RRP1B: variants seen among roughly 807,000 people sequenced by gnomAD.
RRP1B encodes ribosomal RNA processing 1B, also known as ribosomal RNA processing protein 1 homolog B.
In RRP1B, 56 loss-of-function variants were observed where a neutral mutation model predicts 80.2. That is an observed-to-expected ratio of 0.70 (90% CI 0.56 to 0.87). RRP1B has a LOEUF of 0.87. Ranked by LOEUF, RRP1B falls within the 40% of genes least tolerant of loss-of-function variation. RRP1B has a pLI of 0.00. For missense variants in RRP1B, 807 were observed against 939.8 expected, an observed-to-expected ratio of 0.86 and a Z score of 1.85; for synonymous variants, 351 against 357.6, an observed-to-expected ratio of 0.98 and a Z score of 0.21.
chr21:43,661,608 A>G (rs1417249565), intron 1 of RRP1B, among the ~76,000 whole-genome samples: 2 of 152,002 alleles, frequency 1.3e-5, no homozygotes, highest in Non-Finnish European at 2.9e-5. Context: ...ATATTCCCCA[A>G]CTGGTCTCCT....
At chr21:43,661,038 C>G (rs545484856) in intron 1 of RRP1B, among the ~76,000 whole-genome samples, 30 of 152,320 alleles carry the variant, frequency 2.0e-4, no homozygotes, top group African/African-American at 6.5e-4. Context: ...TCTCCCCCAT[C>G]ACTGACATTC....
chr21:43,683,394 T>C (rs1029490654), intron 9 of RRP1B, 21 bp downstream of exon 9: 2 of 1,589,254 alleles, frequency 1.3e-6, no homozygotes, highest in Non-Finnish European at 1.7e-6. Flanking sequence ...GTTGTTGCTT[T>C]TTATAGAATA....
intron 13 of RRP1B, among the ~76,000 whole-genome samples, chr21:43,689,450 A>G (rs2083077636): frequency 6.6e-6 from 1 of 152,226 alleles, no homozygotes; most frequent in Non-Finnish European, 1.5e-5. Context: ...GCAGCAGTGC[A>G]CTGAGCTGGA....
chr21:43,685,778 A>G lies in RRP1B; in HGVS notation c.998A>G (p.Asp333Gly). Residue 333 changes from aspartate to glycine, a missense_variant, in exon 11 of 16, where the codon GAC (aspartate) becomes GGC (glycine). Asp to Gly is a moderately conservative substitution (Grantham distance 94, BLOSUM62 -1). Transcript: ENST00000340648. ...TATTTTTTTATTTTTAGATTCCAAGACCTTTCTGAAGGTGAGGCGCGCCAA... is the reference window on the plus strand; with the variant it reads ...TATTTTTTTATTTTTAGATTCCAAGGCCTTTCTGAAGGTGAGGCGCGCCAA... ...RLSKLIKKFQ[D>G]LSEGSSISQL... is the part of the protein sequence containing the mutation. 1 of 1,571,156 alleles carries G rather than the reference A, an allele frequency of 6.4e-7. No individual in the cohort carries two copies. Among genetic ancestry groups the G allele is most frequent in the Non-Finnish European group, 8.6e-7 (1 of 1,158,870 alleles).
chr21:43,675,106 G>C lies in RRP1B; in HGVS notation c.492G>C (p.Val164=). Residue 164 remains valine (V), a synonymous_variant, in exon 6 of 16, where the codon GTG becomes GTC. Transcript: ENST00000340648. The stretch of plus-strand genomic sequence containing the variant: ...CTGAGAGTCAGTCTCCTAATGGAGT[G>C]AGATTCCACTTCATTGATATTTACC... ...LCPESQSPNG[V]RFHFIDIYLD... is the part of the protein sequence containing the mutation. 6.2e-7 allele frequency: 1 copy of C among 1,614,060 alleles called. No individual in the cohort carries two copies. Among genetic ancestry groups the C allele is most frequent in the South Asian group, 1.1e-5 (1 of 91,054 alleles).
chr21:43,688,530 C>T (rs1185455937), intron 13 of RRP1B, among the ~76,000 whole-genome samples: 1 of 152,222 alleles, frequency 6.6e-6, no homozygotes, highest in East Asian at 1.9e-4. Context: ...CACTCCTGCC[C>T]CAGGCGTGTT....
rs2083068472 is a variant in RRP1B at position 43,687,613 on chromosome 21, TCCAGGC to T, written c.1245_1250del (p.Pro416_Gly417del). ...AGAAGCACCACCTGCAGCCTGAAAATCCAGGCCCAGGGGGTGCAGCCCCATCCCTGG... is the reference window on the plus strand; with the variant it reads ...AGAAGCACCACCTGCAGCCTGAAAATCCAGGGGGTGCAGCCCCATCCCTGG... On this transcript the variant is annotated inframe_deletion, in exon 13 of 16. Coordinates refer to ENST00000340648, the MANE Select transcript of RRP1B (RefSeq NM_015056.3). 1 of 1,524,258 alleles carries T rather than the reference TCCAGGC, an allele frequency of 6.6e-7. No homozygotes were observed. The highest frequency in any genetic ancestry group is 8.8e-7 in the Non-Finnish European group (1 of 1,140,754). The allele number at this position is 1,524,258 out of a possible 1,614,324, so 94.4% of individuals were successfully genotyped here. A position where few individuals can be genotyped will look rare whatever the true frequency, so the allele number is the denominator to read the frequency against.
chr21:43,678,625 TG>T (rs1390012641), intron 8 of RRP1B, among the ~76,000 whole-genome samples: 1 of 152,220 alleles, frequency 6.6e-6, no homozygotes, highest in East Asian at 1.9e-4. Flanking sequence ...TTGATGGGAT[TG>T]TTTTTTTCTT....
chr21:43,663,361 T>C (rs2082965719), intron 1 of RRP1B, among the ~76,000 whole-genome samples: 1 of 151,396 alleles, frequency 6.6e-6, no homozygotes, highest in East Asian at 1.9e-4. Context: ...CACCTTCCAG[T>C]TTCAAGCAAT....
intron 10 of RRP1B, among the ~76,000 whole-genome samples, 172 bp from the exon 11 acceptor site, chr21:43,685,598 C>G (rs2083059805): frequency 1.3e-5 from 2 of 152,208 alleles, no homozygotes; most frequent in Admixed American, 6.5e-5. Context: ...ACCCTTCCCT[C>G]ACAGAATTTC....
intron 2 of RRP1B, 26 bp downstream of exon 2, chr21:43,669,992 T>A (rs769414478): frequency 6.4e-7 from 1 of 1,557,896 alleles, no homozygotes; most frequent in Non-Finnish European, 8.8e-7. Context: ...TTTGTCATGC[T>A]CCCGGGTTCT....
chr21:43,665,720 A>G (rs1021400964), intron 1 of RRP1B, among the ~76,000 whole-genome samples: 5 of 152,016 alleles, frequency 3.3e-5, no homozygotes, highest in African/African-American at 1.2e-4. Flanking sequence ...TGACTGTTAA[A>G]GAGCCTGGCA....
intron 8 of RRP1B, among the ~76,000 whole-genome samples, chr21:43,677,524 A>G (rs2083027475): frequency 6.6e-6 from 1 of 152,212 alleles, no homozygotes; most frequent in Admixed American, 6.5e-5. Flanking sequence ...CAGCTTACCC[A>G]TGCTTTTGAA....
chr21:43,676,805 A>C lies in RRP1B; in HGVS notation c.687A>C (p.Glu229Asp). The part of the protein sequence containing the change: ...AIVDQSPFVP[E>D]ETMEEQKTKV... The stretch of plus-strand genomic sequence containing the variant: ...TAGATCAGTCTCCTTTTGTGCCTGA[A>C]GAGACGATGGAGGAACAGAAGACAA... Residue 229 changes from glutamate (E) to aspartate (D), a missense_variant, in exon 8 of 16, where the codon GAA becomes GAC. Coordinates refer to ENST00000340648, the MANE Select transcript of RRP1B (RefSeq NM_015056.3). 6.2e-7 allele frequency: 1 copy of C among 1,614,240 alleles called. No individual in the cohort carries two copies.
At chr21:43,689,350 G>GT (rs2083077206) in intron 13 of RRP1B, among the ~76,000 whole-genome samples, 1 of 152,238 alleles carries the variant, frequency 6.6e-6, no homozygotes. Context: ...AAGTGGACAT[G>GT]TGTGGACCTG....
At chr21:43,688,697 C>A (rs760777529) in intron 13 of RRP1B, among the ~76,000 whole-genome samples, 3 of 152,188 alleles carry the variant, frequency 2.0e-5, no homozygotes, top group Admixed American at 1.3e-4. Flanking sequence ...CCCCCTACCC[C>A]CCAGCTCAAG....
chr21:43,660,930 T>C (rs1413232322), intron 1 of RRP1B, among the ~76,000 whole-genome samples: 1 of 152,202 alleles, frequency 6.6e-6, no homozygotes, highest in Non-Finnish European at 1.5e-5. Context: ...GCCCATACAA[T>C]ATGAACTACA....
chr21:43,670,010 G>T (rs2082993291), intron 2 of RRP1B, 44 bp downstream of exon 2: 2 of 1,407,838 alleles, frequency 1.4e-6, no homozygotes, highest in Non-Finnish European at 2.0e-6. Context: ...TCTTGCTGTG[G>T]ATGGATAAGA....
intron 2 of RRP1B, among the ~76,000 whole-genome samples, chr21:43,672,045 A>C (rs11909619): frequency 0.032 from 4,837 of 152,298 alleles, 272 homozygotes; most frequent in African/African-American, 0.11. Flanking sequence ...AGTTCATCTG[A>C]ACTGATAATT....
Sources: allele counts gnomAD v4.1 joint callset (sites outside exome capture counted in the v4.1 genomes callset), GRCh38; gene constraint gnomAD v4.1.1; transcripts MANE v1.5; gene names NCBI Gene and HGNC (gene_info 2026-07-23, HGNC 2026-07-21).